Variants in JAKMIP3 observed in about 807,000 individuals in gnomAD.
JAKMIP3 encodes janus kinase and microtubule-interacting protein 3.
A neutral mutation model predicts 118.5 loss-of-function variants in JAKMIP3; 58 were observed. The observed-to-expected ratio is 0.49, with a 90% CI of 0.40 to 0.61. The LOEUF (loss-of-function observed/expected upper bound fraction) is 0.61. Among genes scored for constraint, JAKMIP3 ranks in the 20% least tolerant of loss-of-function variants. The pLI, the probability that JAKMIP3 is intolerant of heterozygous loss-of-function variation, is 0.00. For synonymous variants in JAKMIP3, 486 were observed against 451.2 expected, an observed-to-expected ratio of 1.08 and a Z score of -0.98; for missense variants, 950 against 1,109.0, an observed-to-expected ratio of 0.86 and a Z score of 2.04.
chr10:132,106,497 A>G (rs1304489856), intron 2 of JAKMIP3, among the ~76,000 whole-genome samples: 2 of 152,026 alleles, frequency 1.3e-5, no homozygotes, highest in Non-Finnish European at 2.9e-5. Flanking sequence ...TAGAATGGGG[A>G]TGAACACAGC....
At chr10:132,097,093 A>G (rs1033712883) in intron 1 of JAKMIP3, among the ~76,000 whole-genome samples, 3 of 152,244 alleles carry the variant, frequency 2.0e-5, no homozygotes, top group African/African-American at 7.2e-5. Context: ...ACCTAGGAGA[A>G]CGGCAACGTT....
At chr10:132,151,819 C>T (rs751776782) in intron 16 of JAKMIP3, among the ~76,000 whole-genome samples, 2 of 152,154 alleles carry the variant, frequency 1.3e-5, no homozygotes, top group Non-Finnish European at 2.9e-5. Context: ...AGCCCAGGGA[C>T]AGAGGAGGTT....
chr10:132,142,077 GC>G, intron 11 of JAKMIP3, 29 bp downstream of exon 11: 4 of 1,572,456 alleles, frequency 2.5e-6, no homozygotes, highest in East Asian at 2.3e-5. Context: ...GCGCGTTCCG[GC>G]CCCCCTCGTG....
intron 19 of JAKMIP3, among the ~76,000 whole-genome samples, chr10:132,161,396 T>C (rs35000550): frequency 0.16 from 2,171 of 13,644 alleles, 466 homozygotes; most frequent in Admixed American, 0.25. Flanking sequence ...GGGGGGGGTC[T>C]ATTCCTGTGT....
intron 11 of JAKMIP3, 77 bp downstream of exon 11, chr10:132,142,125 C>T (rs1564954104): frequency 8.2e-6 from 12 of 1,458,220 alleles, no homozygotes; most frequent in East Asian, 4.9e-5. Flanking sequence ...GCTGGGACAC[C>T]CCCCTCACTA....
intron 1 of JAKMIP3, among the ~76,000 whole-genome samples, chr10:132,043,548 GT>G (rs1046600395): frequency 2.6e-5 from 4 of 152,220 alleles, no homozygotes; most frequent in African/African-American, 9.6e-5. Context: ...CTTCTTTCCT[GT>G]TTTAGTTTTT....
At chr10:132,151,463 G>A (rs1277458052) in intron 16 of JAKMIP3, among the ~76,000 whole-genome samples, 1 of 152,144 alleles carries the variant, frequency 6.6e-6, no homozygotes, top group East Asian at 1.9e-4. Context: ...TCTGGGTGTG[G>A]GTCTGCTTCT....
intron 1 of JAKMIP3, among the ~76,000 whole-genome samples, chr10:132,066,954 C>T (rs140571403): frequency 2.2e-4 from 33 of 152,208 alleles, no homozygotes; most frequent in South Asian, 6.2e-4. Context: ...TTGTTGTTCA[C>T]AGTGTGGGAG....
intron 23 of JAKMIP3, among the ~76,000 whole-genome samples, chr10:132,180,640 T>TGC (rs2060933732): frequency 8.9e-5 from 3 of 33,844 alleles, no homozygotes; most frequent in Admixed American, 7.6e-4. Context: ...TGTGCGTGCG[T>TGC]GTGTGCGTGT....
chr10:132,037,666 G>T (rs1048271483), intron 1 of JAKMIP3, among the ~76,000 whole-genome samples: 1 of 152,212 alleles, frequency 6.6e-6, no homozygotes, highest in Non-Finnish European at 1.5e-5. Context: ...CAAGTAAAGG[G>T]CAAGTCGGGC....
chr10:132,068,569 T>C lies in JAKMIP3; in HGVS notation c.-138+2508T>C, dbSNP rs185090344. Reference sequence around the variant, plus strand: ...GTTGGTCTGGCACCCCAAGCTGGGCTTTGAGCGATGTGAGGTAGACGTGCT... The same window carrying C: ...GTTGGTCTGGCACCCCAAGCTGGGCCTTGAGCGATGTGAGGTAGACGTGCT... On this transcript the variant is annotated intron_variant, in intron 1 of 23. Transcript: ENST00000684848. Among the ~76,000 whole-genome samples, 229 of 152,340 alleles carry C rather than the reference T, an allele frequency of 1.5e-3. 2 individuals are homozygous for C. The highest frequency in any genetic ancestry group is 5.2e-3 in the African/African-American group (215 of 41,584).
At chr10:132,159,873 G>T (rs878950164) in intron 19 of JAKMIP3, among the ~76,000 whole-genome samples, 2 of 84,598 alleles carry the variant, frequency 2.4e-5, no homozygotes, top group Admixed American at 1.1e-4. Flanking sequence ...TGATGCTGGG[G>T]GGGTCTCTTC....
chr10:132,080,539 T>G (rs1471508266), intron 1 of JAKMIP3, among the ~76,000 whole-genome samples: 1 of 107,688 alleles, frequency 9.3e-6, no homozygotes, highest in Non-Finnish European at 1.8e-5. Flanking sequence ...TTTTTTTTTT[T>G]AAGATGGAGT....
At chr10:132,087,927 A>G (rs560617978) in intron 1 of JAKMIP3, among the ~76,000 whole-genome samples, 41 of 152,072 alleles carry the variant, frequency 2.7e-4, no homozygotes, top group African/African-American at 9.9e-4. Flanking sequence ...CTCATTGTTC[A>G]ATTCCCACCT....
At position 132,044,096 on chromosome 10, in the gene JAKMIP3, G is replaced by A. The variant is rs1298426728; in HGVS notation, c.-138+7358G>A. On this transcript the variant is annotated intron_variant, in intron 1 of 23. Transcript: ENST00000657785. This position sits in a 1 kb window ranked among gnomAD's most constrained non-coding sequence, Gnocchi z 5.3. The stretch of plus-strand genomic sequence containing the variant: ...CAGTGGCGCTTGTGGCCCACCTGGG[G>A]ACACAGGCTGCCGCCTTGATGCTGC... 6.6e-6 allele frequency among the ~76,000 whole-genome samples: 1 copy of A among 152,200 alleles called. No individual in the cohort carries two copies. Among genetic ancestry groups the A allele is most frequent in the East Asian group, 1.9e-4 (1 of 5,186 alleles).
intron 15 of JAKMIP3, 44 bp downstream of exon 15, chr10:132,149,554 T>TCCCCCGCCCCACCCCCTCCCTG (rs1554950997): frequency 0.092 from 48,840 of 530,618 alleles, 7,775 homozygotes; most frequent in South Asian, 0.15. Context: ...ACCTCACCCA[T>TCCCCCGCCCCACCCCCTCCCTG]CCCCCGCCCC....
At chr10:132,072,994 G>A (rs1330513609) in intron 1 of JAKMIP3, among the ~76,000 whole-genome samples, 5 of 152,088 alleles carry the variant, frequency 3.3e-5, no homozygotes, top group African/African-American at 4.8e-5. Context: ...TTGTGAGAAC[G>A]TGTATTTATT....
chr10:132,163,519 GC>G, intron 20 of JAKMIP3, 107 bp downstream of exon 20: 1 of 1,007,412 alleles, frequency 9.9e-7, no homozygotes, highest in Non-Finnish European at 1.4e-6. Flanking sequence ...CCCCTCTGTG[GC>G]CCCACCCTCC....
intron 13 of JAKMIP3, 30 bp from the exon 14 acceptor site, chr10:132,147,922 C>T (rs2054960896): frequency 1.3e-6 from 2 of 1,490,478 alleles, no homozygotes; most frequent in South Asian, 1.2e-5. Context: ...AGAACCAGAC[C>T]CCTCACCTCA....
Sources: allele counts gnomAD v4.1 joint callset (sites outside exome capture counted in the v4.1 genomes callset), GRCh38; gene constraint gnomAD v4.1.1; non-coding constraint Gnocchi (gnomAD v3.1); transcripts MANE v1.5; gene names NCBI Gene and HGNC (gene_info 2026-07-23, HGNC 2026-07-21).